The following CCDC60 variants were observed in gnomAD, a reference collection of about 807,000 sequenced individuals.
The protein encoded by CCDC60 is coiled-coil domain-containing protein 60.
In CCDC60, 54 loss-of-function variants were observed where a neutral mutation model predicts 63.5. The ratio of observed to expected loss-of-function variants is 0.85; its 90% confidence interval spans 0.68 to 1.07. The LOEUF (loss-of-function observed/expected upper bound fraction) is 1.07. Ranked by LOEUF, CCDC60 falls within the 50% of genes least tolerant of loss-of-function variation. The pLI is 0.00. For missense variants in CCDC60, 651 were observed against 684.3 expected (o/e 0.95, Z 0.54); for synonymous variants, 206 against 238.8 (o/e 0.86, Z 1.27).
At chr12:119,472,390 G>A (rs989219377) in intron 3 of CCDC60, among the ~76,000 whole-genome samples, 1 of 152,058 alleles carries the variant, frequency 6.6e-6, no homozygotes, top group African/African-American at 2.4e-5. Flanking sequence ...CTTAAATGCT[G>A]CTCTCTCCGA....
At chr12:119,363,052 T>C (rs1053093605) in intron 1 of CCDC60, among the ~76,000 whole-genome samples, 1 of 152,166 alleles carries the variant, frequency 6.6e-6, no homozygotes, top group African/African-American at 2.4e-5. Context: ...GAGCTGAGAC[T>C]GCACCGCTGC....
At chr12:119,482,585 C>A (rs1951351774) in intron 4 of CCDC60, among the ~76,000 whole-genome samples, 3 of 152,190 alleles carry the variant, frequency 2.0e-5, no homozygotes, top group Admixed American at 2.0e-4. Context: ...TAGTCCCTGT[C>A]CAGCACTGAA....
At chr12:119,458,851 A>G (rs1950798653) in intron 2 of CCDC60, among the ~76,000 whole-genome samples, 1 of 151,992 alleles carries the variant, frequency 6.6e-6, no homozygotes, top group African/African-American at 2.4e-5. Context: ...GGTTCAAGCG[A>G]TTCTCTTGCC....
At chr12:119,460,153 C>T (rs557202762) in intron 2 of CCDC60, among the ~76,000 whole-genome samples, 3 of 152,204 alleles carry the variant, frequency 2.0e-5, no homozygotes, top group South Asian at 2.1e-4. Flanking sequence ...GCCAGCACCA[C>T]GGGTAAATCC....
intron 1 of CCDC60, among the ~76,000 whole-genome samples, chr12:119,419,783 C>A (rs1053434703): frequency 6.6e-6 from 1 of 151,902 alleles, no homozygotes; most frequent in African/African-American, 2.4e-5. Context: ...AGATGACAGT[C>A]TCTCCTTCTA....
intron 1 of CCDC60, among the ~76,000 whole-genome samples, chr12:119,374,613 A>G (rs1292057314): frequency 1.3e-5 from 2 of 152,202 alleles, no homozygotes; most frequent in African/African-American, 4.8e-5. Context: ...GGGCAAGTCC[A>G]TAGAGTAAAG....
At position 119,428,816 on chromosome 12, in the gene CCDC60, G is replaced by T. The variant is rs1407568608; in HGVS notation, c.170+54G>T. ...TAGACAACCCAACAGGCATGAGCAGGCTATGGGGTGTTGCCTACAAGTCCT... is the reference window on the plus strand; with the variant it reads ...TAGACAACCCAACAGGCATGAGCAGTCTATGGGGTGTTGCCTACAAGTCCT... On this transcript the variant is annotated intron_variant, in intron 2 of 13. Transcript: ENST00000327554. 7.5e-6 allele frequency: 9 copies of T among 1,193,976 alleles called. No homozygotes were observed. In the East Asian group the frequency reaches 1.9e-4, roughly 26 times the overall value. 74.0% of individuals were successfully genotyped at this position (1,193,976 alleles called of 1,614,324 possible).
At chr12:119,407,231 G>A (rs1956509763) in intron 1 of CCDC60, among the ~76,000 whole-genome samples, 1 of 152,100 alleles carries the variant, frequency 6.6e-6, no homozygotes, top group Non-Finnish European at 1.5e-5. Context: ...ATCTGGCCAG[G>A]CACTGTGGCT....
chr12:119,524,883 G>C (rs1287672249), intron 11 of CCDC60, among the ~76,000 whole-genome samples: 2 of 151,742 alleles, frequency 1.3e-5, no homozygotes, highest in East Asian at 3.9e-4. Flanking sequence ...CCAGGCTGGT[G>C]TCAAACTCCT....
At chr12:119,523,572 T>C (rs1952590315) in intron 10 of CCDC60, 121 bp from the exon 11 acceptor site, 2 of 1,380,510 alleles carry the variant, frequency 1.4e-6, no homozygotes, top group Non-Finnish European at 2.0e-6. Flanking sequence ...AGAACCCAGG[T>C]GGCTACAGGG....
At chr12:119,448,520 G>A (rs1203835481) in intron 2 of CCDC60, among the ~76,000 whole-genome samples, 1 of 152,212 alleles carries the variant, frequency 6.6e-6, no homozygotes, top group East Asian at 1.9e-4. Context: ...CAGAGAGTGA[G>A]CTAGAAACAG....
intron 2 of CCDC60, among the ~76,000 whole-genome samples, chr12:119,450,331 C>T (rs1356495333): frequency 6.6e-6 from 1 of 152,134 alleles, no homozygotes; most frequent in Non-Finnish European, 1.5e-5. Flanking sequence ...GTGATGGCTA[C>T]ATTAAAAGCA....
chr12:119,439,914 C>T (rs1331166618), intron 2 of CCDC60, among the ~76,000 whole-genome samples: 1 of 152,190 alleles, frequency 6.6e-6, no homozygotes, highest in Non-Finnish European at 1.5e-5. Context: ...AAAATAACTA[C>T]AGGGACATGG....
rs1951297547 is a variant in CCDC60 at position 119,480,862 on chromosome 12, A to G, written c.449+1661A>G. Among the ~76,000 whole-genome samples the G allele has an allele frequency of 2.7e-5, 4 of 148,890 alleles. No individual in the cohort carries two copies. The South Asian group carries it at 8.8e-4, about 33-fold the overall frequency. On this transcript the variant is annotated intron_variant, in intron 4 of 13. Transcript: ENST00000327554. ...CATCCTCACCACCATCATCACTGTC[A>G]TCATCACCATCACCATCATCATCAC...
intron 7 of CCDC60, among the ~76,000 whole-genome samples, chr12:119,512,597 G>C (rs1410911674): frequency 6.6e-6 from 1 of 152,228 alleles, no homozygotes; most frequent in Non-Finnish European, 1.5e-5. Context: ...CAGAACCCCA[G>C]AGGAGGGAGG....
At chr12:119,487,315 C>T (rs1347604556) in intron 4 of CCDC60, among the ~76,000 whole-genome samples, 3 of 144,868 alleles carry the variant, frequency 2.1e-5, no homozygotes, top group African/African-American at 7.7e-5. Context: ...TTTTTTTTTC[C>T]GAGATGAAGT....
chr12:119,357,515 CA>C (rs1467431043), intron 1 of CCDC60, among the ~76,000 whole-genome samples: 16 of 151,720 alleles, frequency 1.1e-4, no homozygotes, highest in African/African-American at 3.6e-4. Context: ...AGTGCAATAG[CA>C]TGATATTGGC....
chr12:119,529,101 T>C (rs546585878), intron 12 of CCDC60, among the ~76,000 whole-genome samples: 21 of 152,244 alleles, frequency 1.4e-4, no homozygotes, highest in Admixed American at 6.5e-4. Flanking sequence ...ATGGGGGTGA[T>C]CACTGCATCC....
intron 1 of CCDC60, among the ~76,000 whole-genome samples, chr12:119,398,126 GA>G (rs1489305573): frequency 7.1e-6 from 1 of 140,864 alleles, no homozygotes; most frequent in East Asian, 2.2e-4. Context: ...AGGGGTGGCA[GA>G]GGGGAGGAGG....
Sources: gnomAD v4.1 joint callset for allele counts (sites outside exome capture counted in the v4.1 genomes callset) on GRCh38, gnomAD v4.1.1 for gene constraint, MANE v1.5 for transcripts, NCBI Gene and HGNC (gene_info 2026-07-23, HGNC 2026-07-21) for gene names.